OXR1: variants seen among roughly 807,000 people sequenced by gnomAD.
OXR1 encodes oxidation resistance 1.
In OXR1, 41 loss-of-function variants were observed where a neutral mutation model predicts 104.6. The ratio of observed to expected loss-of-function variants is 0.39; its 90% CI spans 0.31 to 0.51. The LOEUF (loss-of-function observed/expected upper bound fraction) is 0.51, where lower values mean the gene tolerates loss of function less well. Among genes scored for constraint, OXR1 ranks in the 20% least tolerant of loss-of-function variants. The probability of loss-of-function intolerance (pLI) is 0.77; values close to 1 mark genes in which losing one functional copy is unlikely to be tolerated. For synonymous variants in OXR1, 348 were observed against 348.4 expected (o/e 1.00, Z 0.01); for missense variants, 955 against 1,031.9 (o/e 0.93, Z 1.02).
intron 1 of OXR1, among the ~76,000 whole-genome samples, chr8:106,322,756 C>T (rs752575034): frequency 1.1e-4 from 16 of 151,870 alleles, no homozygotes; most frequent in East Asian, 5.8e-4. Context: ...AAACTGAGAG[C>T]GAAAGATAGA....
At chr8:106,371,003 T>G (rs1231739402) in intron 2 of OXR1, among the ~76,000 whole-genome samples, 1 of 152,058 alleles carries the variant, frequency 6.6e-6, no homozygotes, top group Non-Finnish European at 1.5e-5. Context: ...TCTGGTAGAA[T>G]TCAGCTGTGA....
intron 2 of OXR1, among the ~76,000 whole-genome samples, chr8:106,381,588 G>A (rs952937402): frequency 6.6e-6 from 1 of 152,060 alleles, no homozygotes; most frequent in Admixed American, 6.6e-5. Flanking sequence ...CTCAGATGTG[G>A]GATCTAAACA....
chr8:106,714,149 G>C (rs897761447), intron 11 of OXR1, among the ~76,000 whole-genome samples, 164 bp downstream of exon 11: 14 of 151,960 alleles, frequency 9.2e-5, no homozygotes, highest in African/African-American at 3.4e-4. Flanking sequence ...AATCTGAATA[G>C]TGACTTTAAT....
At chr8:106,576,429 T>C (rs1586835778) in intron 3 of OXR1, among the ~76,000 whole-genome samples, 1 of 128,830 alleles carries the variant, frequency 7.8e-6, no homozygotes, top group Non-Finnish European at 1.6e-5. Context: ...AATAGAATTA[T>C]ACAGTTATTT....
At chr8:106,457,063 C>T (rs935871642) in intron 2 of OXR1, among the ~76,000 whole-genome samples, 2 of 152,124 alleles carry the variant, frequency 1.3e-5, no homozygotes, top group African/African-American at 4.8e-5. Flanking sequence ...TAGTTGAATG[C>T]CTACTTATCT....
chr8:106,380,053 AC>A (rs1224604629), intron 2 of OXR1, among the ~76,000 whole-genome samples: 2 of 151,960 alleles, frequency 1.3e-5, no homozygotes, highest in Non-Finnish European at 1.5e-5. Context: ...TATTTTCATC[AC>A]CCTAAAAAGA....
At chr8:106,602,475 A>C (rs1219298242) in intron 3 of OXR1, among the ~76,000 whole-genome samples, 2 of 152,228 alleles carry the variant, frequency 1.3e-5, no homozygotes, top group Admixed American at 1.3e-4. Context: ...GAAAGAAATG[A>C]AATCGTCAAG....
chr8:106,604,637 A>T (rs1303121811), intron 3 of OXR1: 2 of 152,224 alleles, frequency 1.3e-5, no homozygotes, highest in African/African-American at 2.4e-5. Context: ...AACTTGAGAC[A>T]AAAAGGAGAG....
chr8:106,604,954 G>A (rs1317776109), intron 3 of OXR1: 2 of 152,154 alleles, frequency 1.3e-5, no homozygotes, highest in African/African-American at 4.8e-5. Context: ...AAAGATTTGA[G>A]GTCACTCAGG....
At chr8:106,634,536 T>C (rs545185978) in intron 3 of OXR1, among the ~76,000 whole-genome samples, 1 of 152,160 alleles carries the variant, frequency 6.6e-6, no homozygotes, top group East Asian at 1.9e-4. Context: ...GTGATGGAGG[T>C]GGAAGTGGAC....
At chr8:106,401,316 T>C (rs1331722092) in intron 2 of OXR1, among the ~76,000 whole-genome samples, 1 of 152,176 alleles carries the variant, frequency 6.6e-6, no homozygotes, top group Non-Finnish European at 1.5e-5. Flanking sequence ...GCATATCACG[T>C]TGAACCATTT....
chr8:106,642,214 C>T (rs1823712656), intron 3 of OXR1, among the ~76,000 whole-genome samples: 1 of 152,172 alleles, frequency 6.6e-6, no homozygotes, highest in South Asian at 2.1e-4. Flanking sequence ...TGAATTGAAA[C>T]CTCTTGGTCC....
At chr8:106,656,439 T>C (rs1304937088) in intron 3 of OXR1, 2 of 152,378 alleles carry the variant, frequency 1.3e-5, no homozygotes, top group African/African-American at 4.8e-5. Context: ...ATGCGGCCTC[T>C]ATGCTATGAA....
intron 3 of OXR1, among the ~76,000 whole-genome samples, chr8:106,553,301 C>T (rs1156555851): frequency 6.8e-6 from 1 of 147,060 alleles, no homozygotes; most frequent in African/African-American, 2.5e-5. Flanking sequence ...TCAAAGTAAA[C>T]TTTTCATGCA....
intron 2 of OXR1, among the ~76,000 whole-genome samples, chr8:106,496,425 T>G (rs1811413805): frequency 6.6e-6 from 1 of 152,144 alleles, no homozygotes; most frequent in Non-Finnish European, 1.5e-5. Context: ...GTAAAATACA[T>G]GGTTTATTTT....
intron 3 of OXR1, among the ~76,000 whole-genome samples, chr8:106,554,009 T>G (rs1308256578): frequency 1.3e-5 from 2 of 152,206 alleles, no homozygotes; most frequent in African/African-American, 4.8e-5. Flanking sequence ...ATCCTGGAAT[T>G]TTTTTTCTCT....
At position 106,498,883 on chromosome 8, in the gene OXR1, C is replaced by CTTGGGAGATGATTACCAGAATGA. The variant is rs1191582709; in HGVS notation, c.24-20060_24-20059insTTGGGAGATGATTACCAGAATGA. Among the ~76,000 whole-genome samples, 81 of 17,644 alleles carry CTTGGGAGATGATTACCAGAATGA rather than the reference C, an allele frequency of 4.6e-3. 18 individuals are homozygous for CTTGGGAGATGATTACCAGAATGA. The highest frequency in any genetic ancestry group is 0.01 in the Admixed American group (18 of 1,720). The allele number at this position is 17,644 out of a possible 152,430, so 11.6% of individuals were successfully genotyped here. ...TTTTAGCTAAAGAATTAGGAGATGG[C>CTTGGGAGATGATTACCAGAATGA]CGGGCGCGGTGGCTCACGCCTGTAA... On this transcript the variant is annotated intron_variant, in intron 2 of 16. Transcript: ENST00000517566.
chr8:106,283,560 C>G (rs779625023), intron 1 of OXR1, among the ~76,000 whole-genome samples: 29 of 152,236 alleles, frequency 1.9e-4, no homozygotes, highest in East Asian at 1.2e-3. Flanking sequence ...TTTATTTATT[C>G]TAAGGGCTGT....
At chr8:106,658,098 G>A (rs1825325396) in intron 3 of OXR1, 1 of 1,248,026 alleles carries the variant, frequency 8.0e-7, no homozygotes, top group Non-Finnish European at 1.0e-6. Context: ...GCGCTTCGAA[G>A]ATTACCTGAG....
Sources: gnomAD v4.1 joint callset for allele counts (sites outside exome capture counted in the v4.1 genomes callset) on GRCh38, gnomAD v4.1.1 for gene constraint, MANE v1.5 for transcripts, NCBI Gene and HGNC (gene_info 2026-07-23, HGNC 2026-07-21) for gene names.